DOCK8: variants seen among roughly 807,000 people sequenced by gnomAD.
The protein encoded by DOCK8 is dedicator of cytokinesis protein 8.
DOCK8 carries 141 observed loss-of-function variants against 245.6 expected under a neutral mutation model. That is an observed-to-expected ratio of 0.57 (90% CI 0.50 to 0.66). DOCK8 has a LOEUF of 0.66. Among genes scored for constraint, DOCK8 ranks in the 30% least tolerant of loss-of-function variants. The pLI is 0.00. For missense variants in DOCK8, 2,965 were observed against 2,603.4 expected (o/e 1.14, Z -3.02); for synonymous variants, 1,168 against 970.2 (o/e 1.20, Z -3.79).
chr9:429,749 A>G lies in DOCK8; in HGVS notation c.4521A>G (p.Leu1507=), dbSNP rs371541803. The G allele has an allele frequency of 3.0e-5, 48 of 1,614,062 alleles. No homozygotes were observed. Among genetic ancestry groups the G allele is most frequent in the Non-Finnish European group, 3.3e-5 (39 of 1,180,040 alleles). ...AGGAGGTGGAACAGTGTTTCGACCT[A>G]TGTCACCAAGTCCTGCACCACTGCA... ...FEEEVEQCFD[L]CHQVLHHCSS... Residue 1507 remains leucine (L), a synonymous_variant, in exon 36 of 48, where the codon CTA becomes CTG. Coordinates refer to ENST00000432829, the MANE Select transcript of DOCK8 (RefSeq NM_203447.4).
At chr9:431,041 T>TC (rs2056691222) in intron 36 of DOCK8, among the ~76,000 whole-genome samples, 1 of 151,008 alleles carries the variant, frequency 6.6e-6, no homozygotes, top group Admixed American at 6.6e-5. Flanking sequence ...CCCAGCTAAT[T>TC]TTTTTTGCAT....
At chr9:415,704 A>ACG (rs2055971279) in intron 29 of DOCK8, among the ~76,000 whole-genome samples, 1 of 151,324 alleles carries the variant, frequency 6.6e-6, no homozygotes, top group African/African-American at 2.5e-5. Flanking sequence ...ACACACACAC[A>ACG]CACACAATTC....
chr9:355,809 C>A (rs1325383445), intron 14 of DOCK8, among the ~76,000 whole-genome samples: 1 of 151,700 alleles, frequency 6.6e-6, no homozygotes, highest in Non-Finnish European at 1.5e-5. Flanking sequence ...ACCGCACACT[C>A]ACCTCCCAAG....
chr9:361,558 C>G (rs1300138407), intron 14 of DOCK8, among the ~76,000 whole-genome samples: 1 of 152,098 alleles, frequency 6.6e-6, no homozygotes, highest in East Asian at 1.9e-4. Flanking sequence ...GAGCATTTTG[C>G]AATTTTTTTG....
chr9:316,038 T>TG (rs2050331735), intron 6 of DOCK8, among the ~76,000 whole-genome samples: 2 of 152,304 alleles, frequency 1.3e-5, no homozygotes, highest in East Asian at 1.9e-4. Context: ...CCACAAGGAA[T>TG]GGGGACCACA....
At chr9:355,511 G>A (rs1026704532) in intron 14 of DOCK8, among the ~76,000 whole-genome samples, 3 of 151,334 alleles carry the variant, frequency 2.0e-5, no homozygotes, top group Non-Finnish European at 3.0e-5. Context: ...CCAGAATGGT[G>A]TATTTCTAGG....
At chr9:358,657 T>G (rs2052567306) in intron 14 of DOCK8, among the ~76,000 whole-genome samples, 1 of 100,480 alleles carries the variant, frequency 1.0e-5, no homozygotes, top group Non-Finnish European at 2.3e-5. Flanking sequence ...AAGACAAACC[T>G]GGCCAACATG....
rs34908836 is a variant in DOCK8, at chr9:449,874, G to C, written c.5908G>C (p.Ala1970Pro). The change falls in exon 45 of 48, where the codon GCA becomes CCA. Residue 1970 changes from alanine to proline, a missense_variant. Coordinates refer to ENST00000432829, the MANE Select transcript of DOCK8 (RefSeq NM_203447.4). ...TGCCATTAACCAGGAGCCGCCTGAT[G>C]CAAAGATGCTTCAGATGGTGCTGCA... Reference protein sequence around the residue: ...AVAINQEPPDAKMLQMVLQGS... With the variant: ...AVAINQEPPDPKMLQMVLQGS... 0.055 allele frequency: 88,604 copies of C among 1,613,720 alleles called. 3,600 individuals are homozygous for C. Among genetic ancestry groups the C allele is most frequent in the South Asian group, 0.16 (14,699 of 91,062 alleles).
chr9:391,076 C>G (rs1399082286), intron 24 of DOCK8, among the ~76,000 whole-genome samples: 2 of 152,180 alleles, frequency 1.3e-5, no homozygotes, highest in African/African-American at 4.8e-5. Flanking sequence ...CCACATGGTC[C>G]TCTTTTGGTG....
At chr9:332,681 A>C (rs1274509071) in intron 10 of DOCK8, among the ~76,000 whole-genome samples, 3 of 95,558 alleles carry the variant, frequency 3.1e-5, no homozygotes, top group Non-Finnish European at 3.8e-5. Context: ...TTTTTGAGGC[A>C]GTGTCTTACT....
chr9:451,272 C>CT (rs1234989828), intron 45 of DOCK8, among the ~76,000 whole-genome samples: 2 of 152,090 alleles, frequency 1.3e-5, no homozygotes, highest in African/African-American at 4.8e-5. Flanking sequence ...GATTATGCCA[C>CT]TGCGCTCCAG....
At chr9:395,135 C>T (rs898809036) in intron 24 of DOCK8, among the ~76,000 whole-genome samples, 2 of 152,090 alleles carry the variant, frequency 1.3e-5, no homozygotes, top group African/African-American at 2.4e-5. Flanking sequence ...ACCCTTCATT[C>T]GGGTCTTCTC....
intron 1 of DOCK8, among the ~76,000 whole-genome samples, chr9:227,559 G>C (rs970058487): frequency 6.6e-6 from 1 of 152,160 alleles, no homozygotes; most frequent in Non-Finnish European, 1.5e-5. Context: ...GCCCTCTGAA[G>C]GCCTTTGTTT....
Position 389,001 on chromosome 9 carries a change from C to T in DOCK8, c.2875-1470C>T, listed in dbSNP as rs182031035. Among the ~76,000 whole-genome samples the T allele has an allele frequency of 2.6e-5, 4 of 151,168 alleles. No homozygotes were observed. In the East Asian group the frequency reaches 7.7e-4, roughly 29 times the overall value. On this transcript the variant is annotated intron_variant, in intron 23 of 47. Coordinates refer to ENST00000432829, the MANE Select transcript of DOCK8 (RefSeq NM_203447.4). ...TTAGCTTTCTTACCTACTTTCTTAC[C>T]AGAAAAAAAAAATGAGTTTATCTAC...
chr9:426,040 T>C (rs1047867253), intron 33 of DOCK8, among the ~76,000 whole-genome samples: 7 of 152,104 alleles, frequency 4.6e-5, no homozygotes, highest in African/African-American at 1.7e-4. Context: ...CATGGTAACA[T>C]CTTGGCTACT....
At chr9:269,085 A>G (rs1343854233) in intron 1 of DOCK8, among the ~76,000 whole-genome samples, 1 of 152,232 alleles carries the variant, frequency 6.6e-6, no homozygotes, top group East Asian at 1.9e-4. Context: ...TTTATATACT[A>G]CAAAATTCAC....
At chr9:284,918 AC>A (rs2048749269) in intron 2 of DOCK8, among the ~76,000 whole-genome samples, 1 of 152,194 alleles carries the variant, frequency 6.6e-6, no homozygotes, top group African/African-American at 2.4e-5. Flanking sequence ...AAAGAAAAGA[AC>A]AACAGACACT....
At chr9:423,474 G>A (rs1255714475) in intron 33 of DOCK8, among the ~76,000 whole-genome samples, 1 of 152,164 alleles carries the variant, frequency 6.6e-6, no homozygotes, top group East Asian at 1.9e-4. Flanking sequence ...CCCATCAAAG[G>A]GGGTATGGGG....
chr9:215,114 C>G (rs2046713396), intron 1 of DOCK8, 85 bp downstream of exon 1: 1 of 1,499,336 alleles, frequency 6.7e-7, no homozygotes, highest in Non-Finnish European at 8.8e-7. Flanking sequence ...GGGCCGAGGC[C>G]GGACGAGTCC....
Sources: allele counts gnomAD v4.1 joint callset (sites outside exome capture counted in the v4.1 genomes callset), GRCh38; gene constraint gnomAD v4.1.1; transcripts MANE v1.5; gene names NCBI Gene and HGNC (gene_info 2026-07-23, HGNC 2026-07-21).